The following SMG5 variants were observed in gnomAD, a reference collection of about 807,000 sequenced individuals.
SMG5 encodes SMG5 nonsense mediated mRNA decay factor.
A neutral mutation model predicts 122.9 loss-of-function variants in SMG5; 53 were observed. That is an observed-to-expected ratio of 0.43 (90% CI 0.35 to 0.54). The LOEUF is 0.54. Ranked by LOEUF, SMG5 falls within the 20% of genes least tolerant of loss-of-function variation. SMG5 has a pLI of 0.01. For missense variants in SMG5, 1,153 were observed against 1,285.6 expected, an observed-to-expected ratio of 0.90 and a Z score of 1.58; for synonymous variants, 477 against 490.2, an observed-to-expected ratio of 0.97 and a Z score of 0.35.
chr1:156,285,845 G>A (rs780780000), upstream of SMG5: 18 of 1,613,506 alleles, frequency 1.1e-5, no homozygotes, highest in Admixed American at 1.0e-4. Context: ...CGTGGGAGCC[G>A]CACTCATTCT....
At chr1:156,258,733 T>G (rs1250454920) in intron 16 of SMG5, among the ~76,000 whole-genome samples, 1 of 151,624 alleles carries the variant, frequency 6.6e-6, no homozygotes, top group Non-Finnish European at 1.5e-5. Flanking sequence ...GAGCCGGAGG[T>G]TGCAGTGAGC....
chr1:156,256,375 C>T (rs1032111444), intron 16 of SMG5, among the ~76,000 whole-genome samples: 1 of 144,012 alleles, frequency 6.9e-6, no homozygotes, highest in African/African-American at 2.6e-5. Flanking sequence ...AGGGCAGCGG[C>T]AAGATCTTGG....
Position 156,253,038 on chromosome 1 carries a change from T to C in SMG5, c.2543A>G (p.Lys848Arg). The C allele has an allele frequency of 6.2e-7, 1 of 1,612,160 alleles. No individual in the cohort carries two copies. Among genetic ancestry groups the C allele is most frequent in the Non-Finnish European group, 8.5e-7 (1 of 1,179,242 alleles). Residue 848 changes from lysine (K) to arginine (R), a missense_variant, in exon 18 of 22, where the codon AAG (lysine) becomes AGG (arginine). Lys to Arg is a conservative substitution (Grantham distance 26). Around this residue, in one of 5 missense-constraint regions of SMG5, gnomAD observed 140 missense variants for 227.8 expected, o/e 0.61. Transcript: ENST00000361813. ...SQLEGSLQQP[K>R]AQSAMSPYLV... ...GTAGGGAGACATGGCTGACTGGGCC[T>C]TGGGCTGCTGCAGGCTGCCCTCCAG...
At chr1:156,256,308 CTCTT>C (rs1354451343) in intron 16 of SMG5, among the ~76,000 whole-genome samples, 2 of 102,444 alleles carry the variant, frequency 2.0e-5, no homozygotes, top group African/African-American at 3.1e-5. Flanking sequence ...GCCATCTTCT[CTCTT>C]TTTTTTTTTT....
chr1:156,275,111 G>A (rs1359546433), intron 4 of SMG5, among the ~76,000 whole-genome samples: 1 of 103,428 alleles, frequency 9.7e-6, no homozygotes, highest in Non-Finnish European at 2.0e-5. Flanking sequence ...GCCCAAGAAT[G>A]AAATGTGAAT....
chr1:156,270,823 C>T (rs1239813640), intron 7 of SMG5, among the ~76,000 whole-genome samples: 1 of 152,144 alleles, frequency 6.6e-6, no homozygotes, highest in Non-Finnish European at 1.5e-5. Flanking sequence ...GCCTGAGCAA[C>T]ATGGAGAAAC....
intron 4 of SMG5, among the ~76,000 whole-genome samples, chr1:156,276,811 GT>G (rs1662704096): frequency 6.6e-6 from 1 of 152,150 alleles, no homozygotes; most frequent in Admixed American, 6.5e-5. Context: ...GAAAAGAAAT[GT>G]ATTAATACCA....
chr1:156,282,594 T>G lies in SMG5; in HGVS notation c.74+13A>C, dbSNP rs372361274. 1.9e-6 allele frequency: 3 copies of G among 1,595,008 alleles called. No individual in the cohort carries two copies. In the African/African-American group the frequency reaches 4.0e-5, roughly 21 times the overall value. On this transcript the variant is annotated intron_variant, in intron 1 of 21. Transcript: ENST00000361813. ...TCCCTCGGTGGCTGCTCTCACGCCC[T>G]GGCCCCTCTCACCGGTAAAGCCGCT...
Position 156,265,999 on chromosome 1 carries a change from G to A in SMG5, c.1637C>T (p.Ser546Leu), listed in dbSNP as rs1662111094. Residue 546 changes from serine (S) to leucine (L), a missense_variant, in exon 12 of 22, where the codon TCA becomes TTA. Coordinates refer to ENST00000361813, the MANE Select transcript of SMG5 (RefSeq NM_015327.3). Reference protein sequence around the residue: ...SPTLEPPRGRSEAPDSLNGPL... With the variant: ...SPTLEPPRGRLEAPDSLNGPL... Reference sequence around the variant, plus strand: ...GCCATTGAGGGAATCGGGAGCCTCTGATCTGCCCCGAGGGGGCTCCAGGGT... The same window carrying A: ...GCCATTGAGGGAATCGGGAGCCTCTAATCTGCCCCGAGGGGGCTCCAGGGT... 6.2e-7 allele frequency: 1 copy of A among 1,614,108 alleles called. No individual in the cohort carries two copies. The highest frequency in any genetic ancestry group is 1.7e-5 in the Admixed American group (1 of 60,012).
the SMG5 span, chr1:156,291,491 AT>A: frequency 6.2e-7 from 1 of 1,612,438 alleles, no homozygotes; most frequent in South Asian, 1.1e-5. Flanking sequence ...CCTCTACTAC[AT>A]GTTCGTGGTG....
At chr1:156,285,683 G>A (rs1167629640), upstream of SMG5, 4 of 1,613,622 alleles carry the variant, frequency 2.5e-6, no homozygotes, top group Non-Finnish European at 3.4e-6. Flanking sequence ...TGAGGCAGGC[G>A]AGGGCGAGTG....
chr1:156,290,225 T>C, the SMG5 span: 2 of 152,336 alleles, frequency 1.3e-5, no homozygotes, highest in South Asian at 2.1e-4. Context: ...AATAACTTTT[T>C]GCTCATATAT....
intron 5 of SMG5, among the ~76,000 whole-genome samples, chr1:156,273,700 CTTTT>C (rs1301742167): frequency 1.5e-5 from 2 of 137,638 alleles, no homozygotes; most frequent in African/African-American, 5.4e-5. Flanking sequence ...ATAAGCTCTT[CTTTT>C]TTTGTTTTGT....
intron 12 of SMG5, among the ~76,000 whole-genome samples, chr1:156,264,003 C>T (rs909911722): frequency 1.2e-4 from 18 of 152,210 alleles, no homozygotes; most frequent in Admixed American, 1.1e-3. Context: ...GGCGTGGTGG[C>T]TCACGCCTGT....
the SMG5 span, among the ~76,000 whole-genome samples, chr1:156,288,499 T>C: frequency 6.6e-6 from 1 of 151,986 alleles, no homozygotes; most frequent in Admixed American, 6.6e-5. Context: ...CATGCCCAGC[T>C]AATTTTTTTT....
At chr1:156,271,806 T>C (rs1662449039) in intron 7 of SMG5, among the ~76,000 whole-genome samples, 1 of 152,140 alleles carries the variant, frequency 6.6e-6, no homozygotes, top group Non-Finnish European at 1.5e-5. Context: ...TTGGCCAGGC[T>C]GGTCCTGAAC....
intron 2 of SMG5, 143 bp downstream of exon 2, chr1:156,278,793 G>C (rs548946362): frequency 1.5e-6 from 1 of 681,602 alleles, no homozygotes; most frequent in African/African-American, 1.8e-5. Flanking sequence ...TCCTCTCTTA[G>C]GAAGGCCAGA....
At chr1:156,253,324 G>A (rs555208836) in intron 17 of SMG5, 125 bp downstream of exon 17, 2 of 1,053,362 alleles carry the variant, frequency 1.9e-6, no homozygotes, top group Admixed American at 1.9e-5. Context: ...GGTCATCTGG[G>A]AGAGGCGGAG....
At chr1:156,260,267 A>G (rs1260430276) in intron 15 of SMG5, among the ~76,000 whole-genome samples, 184 bp downstream of exon 15, 1 of 152,250 alleles carries the variant, frequency 6.6e-6, no homozygotes, top group East Asian at 1.9e-4. Context: ...AAGGACTGCC[A>G]AGGCAGGAAA....
Sources: allele counts gnomAD v4.1 joint callset (sites outside exome capture counted in the v4.1 genomes callset), GRCh38; gene constraint gnomAD v4.1.1; regional missense constraint gnomAD v4.1.1; transcripts MANE v1.5; gene names NCBI Gene and HGNC (gene_info 2026-07-23, HGNC 2026-07-21).